The following NALF1 variants were observed in gnomAD, a reference collection of about 807,000 sequenced individuals.
NALF1 encodes the protein NALCN channel auxiliary factor 1.
NALF1 carries 3 observed loss-of-function variants against 48.4 expected under a neutral mutation model. That is an observed-to-expected ratio of 0.06 (90% CI 0.03 to 0.16). The LOEUF (loss-of-function observed/expected upper bound fraction) is 0.16. NALF1 is among the 10% of genes least tolerant of loss of function. The probability of loss-of-function intolerance (pLI) is 1.00; values close to 1 mark genes in which losing one functional copy is unlikely to be tolerated. For missense variants in NALF1, 526 were observed against 571.5 expected, an observed-to-expected ratio of 0.92 and a Z score of 0.81; for synonymous variants, 262 against 245.7, an observed-to-expected ratio of 1.07 and a Z score of -0.62.
At chr13:107,809,355 T>C (rs559587283) in intron 1 of NALF1, among the ~76,000 whole-genome samples, 2 of 152,158 alleles carry the variant, frequency 1.3e-5, no homozygotes, top group South Asian at 4.1e-4. Flanking sequence ...TTCCTACCCC[T>C]CTTAGTGCCT....
chr13:107,296,266 A>G (rs11840508), intron 1 of NALF1, among the ~76,000 whole-genome samples: 2,142 of 152,334 alleles, frequency 0.014, 64 homozygotes, highest in African/African-American at 0.049. Context: ...AATCCGTGAT[A>G]GTGTTTATTT....
In NALF1 at chr13:107,168,314, A is replaced by C. The variant is rs1424609625; in HGVS notation, c.*2183T>G. 6.6e-6 allele frequency: 1 copy of C among 152,222 alleles called. No homozygotes were observed. The highest frequency in any genetic ancestry group is 2.4e-5 in the African/African-American group (1 of 41,456). The allele number at this position is 152,222 out of a possible 1,614,324, so 9.4% of individuals were successfully genotyped here. A position where few individuals can be genotyped will look rare whatever the true frequency, so the allele number is the denominator to read the frequency against. On this transcript the variant is annotated 3_prime_UTR_variant, in exon 3 of 3. Transcript: ENST00000375915. ...GTATTCCACCATTGGTTGGGATACC[A>C]AAGTGCTCATTTCTACAAGTGTTTC...
At chr13:107,327,813 T>C (rs1882392139) in intron 1 of NALF1, among the ~76,000 whole-genome samples, 1 of 152,190 alleles carries the variant, frequency 6.6e-6, no homozygotes, top group South Asian at 2.1e-4. Flanking sequence ...TGGTGACTGA[T>C]TATGGGTGAC....
intron 1 of NALF1, among the ~76,000 whole-genome samples, chr13:107,434,430 T>G (rs1884431893): frequency 6.6e-6 from 1 of 152,182 alleles, no homozygotes; most frequent in Non-Finnish European, 1.5e-5. Flanking sequence ...AAATTTATGT[T>G]AACTGGAATT....
chr13:107,731,603 T>G (rs1177179289), intron 1 of NALF1, among the ~76,000 whole-genome samples: 1 of 152,154 alleles, frequency 6.6e-6, no homozygotes, highest in Non-Finnish European at 1.5e-5. Context: ...CCTCTATGTG[T>G]CCATGTGTTC....
chr13:107,677,554 G>A (rs751505560), intron 1 of NALF1, among the ~76,000 whole-genome samples: 12 of 151,952 alleles, frequency 7.9e-5, no homozygotes, highest in Admixed American at 1.3e-4. Context: ...TAAATTTAAT[G>A]TTCAGAAACA....
intron 1 of NALF1, among the ~76,000 whole-genome samples, chr13:107,418,017 C>T (rs1471806882): frequency 2.0e-5 from 3 of 152,144 alleles, no homozygotes; most frequent in East Asian, 3.9e-4. Context: ...GCTGAGATCA[C>T]GCCATTGAAC....
At chr13:107,706,665 A>G (rs1419469998) in intron 1 of NALF1, among the ~76,000 whole-genome samples, 2 of 152,324 alleles carry the variant, frequency 1.3e-5, no homozygotes, top group African/African-American at 2.4e-5. Context: ...TTTTAAATAG[A>G]ATGTAAGCCA....
intron 1 of NALF1, among the ~76,000 whole-genome samples, chr13:107,650,013 T>C (rs1242350381): frequency 1.3e-5 from 2 of 152,202 alleles, no homozygotes; most frequent in Non-Finnish European, 2.9e-5. Flanking sequence ...TTTTAAAAAA[T>C]ACTTGAAAAG....
intron 2 of NALF1, among the ~76,000 whole-genome samples, chr13:107,186,188 C>A (rs1879167616): frequency 6.6e-6 from 1 of 151,996 alleles, no homozygotes; most frequent in African/African-American, 2.4e-5. Context: ...CTATACATAG[C>A]GTTTGACGGG....
chr13:107,546,090 C>A (rs907080176), intron 1 of NALF1, among the ~76,000 whole-genome samples: 6 of 152,024 alleles, frequency 3.9e-5, no homozygotes, highest in Non-Finnish European at 8.8e-5. Context: ...AACCGCTGGG[C>A]CTTCATTCTT....
chr13:107,415,303 G>A (rs1884066096), intron 1 of NALF1, among the ~76,000 whole-genome samples: 1 of 151,746 alleles, frequency 6.6e-6, no homozygotes, highest in African/African-American at 2.4e-5. Flanking sequence ...TTCAGTTTGT[G>A]AAAGATATAC....
intron 1 of NALF1, among the ~76,000 whole-genome samples, chr13:107,300,076 G>C (rs1881810009): frequency 6.6e-6 from 1 of 152,190 alleles, no homozygotes; most frequent in South Asian, 2.1e-4. Flanking sequence ...GGGGGCTGGA[G>C]GTCCCACTGG....
chr13:107,685,002 T>C (rs567783834), intron 1 of NALF1, among the ~76,000 whole-genome samples: 56 of 152,270 alleles, frequency 3.7e-4, no homozygotes, highest in African/African-American at 1.3e-3. Context: ...CTGGTGACCG[T>C]CTCATCTTCC....
At chr13:107,728,365 A>C (rs949131125) in intron 1 of NALF1, among the ~76,000 whole-genome samples, 1 of 152,340 alleles carries the variant, frequency 6.6e-6, no homozygotes, top group Admixed American at 6.5e-5. Flanking sequence ...AAAAAGAATG[A>C]GTTTATGTTC....
intron 1 of NALF1, among the ~76,000 whole-genome samples, chr13:107,483,058 A>C (rs1315224066): frequency 6.6e-6 from 1 of 152,090 alleles, no homozygotes; most frequent in Non-Finnish European, 1.5e-5. Context: ...GGATTATCTG[A>C]TTGATGTCTA....
intron 1 of NALF1, among the ~76,000 whole-genome samples, chr13:107,503,221 G>A (rs1387310859): frequency 6.6e-6 from 1 of 152,068 alleles, no homozygotes; most frequent in Non-Finnish European, 1.5e-5. Context: ...AGACAGAAAT[G>A]TTAAGACAAA....
intron 1 of NALF1, among the ~76,000 whole-genome samples, chr13:107,815,381 T>C (rs982286615): frequency 2.6e-5 from 4 of 152,074 alleles, no homozygotes; most frequent in South Asian, 4.1e-4. Context: ...AAATAAGATA[T>C]ACAAATGGCC....
intron 1 of NALF1, among the ~76,000 whole-genome samples, chr13:107,484,427 G>A (rs958284333): frequency 2.6e-5 from 4 of 152,096 alleles, no homozygotes; most frequent in African/African-American, 9.7e-5. Context: ...TCCCCATAAG[G>A]CTTTGACAAG....
Sources: gnomAD v4.1 joint callset for allele counts (sites outside exome capture counted in the v4.1 genomes callset) on GRCh38, gnomAD v4.1.1 for gene constraint, MANE v1.5 for transcripts, NCBI Gene and HGNC (gene_info 2026-07-23, HGNC 2026-07-21) for gene names.